Variants in PRRG1 observed in about 807,000 individuals in gnomAD.
PRRG1 encodes proline rich and Gla domain 1.
In PRRG1, 5 loss-of-function variants were observed where a neutral mutation model predicts 11.8. The ratio of observed to expected loss-of-function variants is 0.42; its 90% CI spans 0.22 to 0.89. The LOEUF is 0.89. PRRG1 is among the 40% of genes least tolerant of loss of function. The probability of loss-of-function intolerance (pLI) is 0.28; values close to 1 mark genes in which losing one functional copy is unlikely to be tolerated. For missense variants in PRRG1, 155 were observed against 166.1 expected, an observed-to-expected ratio of 0.93 and a Z score of 0.37; for synonymous variants, 66 against 60.4, an observed-to-expected ratio of 1.09 and a Z score of -0.43.
chrX:37,425,971 A>G lies in PRRG1; in HGVS notation c.142A>G (p.Arg48Gly). Residue 48 changes from arginine (R) to glycine (G), a missense_variant, in exon 3 of 4, where the codon AGA becomes GGA. Coordinates refer to ENST00000378628, the MANE Select transcript of PRRG1 (RefSeq NM_001142395.2). ...AGAATTCTGTACATTTGAAGAAGCA[A>G]GAGAAGCTTTTGAAAATAATGAAAA... is the stretch of plus-strand genomic sequence containing the variant. The part of the protein sequence containing the change: ...KEEFCTFEEA[R>G]EAFENNEKTK... The G allele has an allele frequency of 8.4e-7, 1 of 1,188,420 alleles. No homozygotes were observed. Among genetic ancestry groups the G allele is most frequent in the Non-Finnish European group, 1.1e-6 (1 of 886,122 alleles).
intron 3 of PRRG1, chrX:37,440,807 C>T: frequency 2.0e-6 from 1 of 510,023 alleles, no homozygotes; most frequent in Non-Finnish European, 3.5e-6. Context: ...GTTCTGTTGC[C>T]AAGGCTGGAG....
At chrX:37,441,256 A>G in intron 3 of PRRG1, 1 of 768,502 alleles carries the variant, frequency 1.3e-6, no homozygotes, top group Non-Finnish European at 1.5e-6. Context: ...ATTAGGGGAT[A>G]AGAGAAAGTC....
chrX:37,389,215 A>G (rs1014931298), intron 1 of PRRG1, among the ~76,000 whole-genome samples: 1 of 111,253 alleles, frequency 9.0e-6, no homozygotes, highest in Non-Finnish European at 1.9e-5. Flanking sequence ...GGAAGTTCCA[A>G]ACTTTCCTGC....
Position 37,454,992 on chromosome X carries a change from C to T in PRRG1, c.*1371C>T, listed in dbSNP as rs1357356140. Reference sequence around the variant, plus strand: ...GGGAAATATTTGTACCACTTCCAAACTTTTCAGCGTTGGATAAAATGATTG... The same window carrying T: ...GGGAAATATTTGTACCACTTCCAAATTTTTCAGCGTTGGATAAAATGATTG... On this transcript the variant is annotated 3_prime_UTR_variant, in exon 4 of 4. Coordinates refer to ENST00000378628, the MANE Select transcript of PRRG1 (RefSeq NM_001142395.2). 1.8e-5 allele frequency: 2 copies of T among 111,940 alleles called. No individual in the cohort carries two copies. The highest frequency in any genetic ancestry group is 3.8e-5 in the Non-Finnish European group (2 of 53,208). The allele number at this position is 111,940 out of a possible 1,213,427, so 9.2% of individuals were successfully genotyped here.
intron 1 of PRRG1, among the ~76,000 whole-genome samples, chrX:37,363,039 C>T (rs1459253755): frequency 1.8e-5 from 2 of 111,528 alleles, no homozygotes; most frequent in Admixed American, 9.5e-5. Context: ...AGTAATAATA[C>T]GAATGACAAC....
intron 3 of PRRG1, chrX:37,440,966 A>G: frequency 1.6e-6 from 1 of 641,425 alleles, no homozygotes; most frequent in South Asian, 3.4e-5. Flanking sequence ...ACAAGGTCCC[A>G]CCATGTTGCC....
At chrX:37,417,103 A>T (rs781782900) in intron 2 of PRRG1, among the ~76,000 whole-genome samples, 1 of 111,480 alleles carries the variant, frequency 9.0e-6, no homozygotes, top group South Asian at 3.8e-4. Context: ...CATTTCTGGC[A>T]TATTATCCAC....
chrX:37,375,412 G>A (rs966721490), intron 1 of PRRG1, among the ~76,000 whole-genome samples: 12 of 111,349 alleles, frequency 1.1e-4, no homozygotes, highest in Admixed American at 5.7e-4. Context: ...AGTTTAACAC[G>A]CATGGATTCA....
Position 37,416,239 on chromosome X carries a change from CAT to C in PRRG1, c.11-9600_11-9599del, listed in dbSNP as rs782088359. On this transcript the variant is annotated intron_variant, in intron 2 of 3. Coordinates refer to ENST00000378628, the MANE Select transcript of PRRG1 (RefSeq NM_001142395.2). ...AATGTGGCTGTTTCGTTAAATGTAA[CAT>C]GTGTCCTACTAGGACAGTTATCCAC... Among the ~76,000 whole-genome samples, 125 of 112,077 alleles carry C rather than the reference CAT, an allele frequency of 1.1e-3. 1 individual carries two copies. The highest frequency in any genetic ancestry group is 1.9e-3 in the Non-Finnish European group (99 of 53,221).
At chrX:37,440,941 C>A (rs41305239) in intron 3 of PRRG1, 66,337 of 577,508 alleles carry the variant, frequency 0.11, 8,445 homozygotes, top group African/African-American at 0.69. Context: ...ATTTAAAAAA[C>A]AAAATTATGT....
At chrX:37,441,868 C>A in intron 3 of PRRG1, 1 of 779,175 alleles carries the variant, frequency 1.3e-6, no homozygotes. Flanking sequence ...CCAGAGCCTC[C>A]TGGAGCTACA....
rs1921259835 is a variant in PRRG1 at position 37,453,999 on chromosome X, C to T, written c.*378C>T. The T allele has an allele frequency of 8.5e-6, 1 of 118,119 alleles. No individual in the cohort carries two copies. Among genetic ancestry groups the T allele is most frequent in the African/African-American group, 3.2e-5 (1 of 31,164 alleles). The allele number at this position is 118,119 out of a possible 1,213,427, so 9.7% of individuals were successfully genotyped here. On this transcript the variant is annotated 3_prime_UTR_variant, in exon 4 of 4. Coordinates refer to ENST00000378628, the MANE Select transcript of PRRG1 (RefSeq NM_001142395.2). ...TCACCTGGAAGGAGAGCATTACTCA[C>T]CAAAATTGCAAAACAAGGGTATCAA... is the stretch of plus-strand genomic sequence containing the variant.
At chrX:37,449,376 C>T (rs1921032253) in intron 3 of PRRG1, among the ~76,000 whole-genome samples, 1 of 112,429 alleles carries the variant, frequency 8.9e-6, no homozygotes, top group African/African-American at 3.2e-5. Flanking sequence ...ACATGCCCCA[C>T]TCTACTGTCT....
At position 37,351,648 on chromosome X, in the gene PRRG1, T is replaced by G. The variant is rs190827931; in HGVS notation, c.-42+2253T>G. Among the ~76,000 whole-genome samples, 569 of 112,492 alleles carry G rather than the reference T, an allele frequency of 5.1e-3. 2 individuals are homozygous for G. Among genetic ancestry groups the G allele is most frequent in the Middle Eastern group, 0.014 (3 of 218 alleles). On this transcript the variant is annotated intron_variant, in intron 1 of 3. Coordinates refer to ENST00000378628, the MANE Select transcript of PRRG1 (RefSeq NM_001142395.2). ...TATGGATAAGTACTGTGTGGAAATA[T>G]GTTCTCATGTATTAGTCATAGTTTA...
chrX:37,435,213 C>T (rs1331983713), intron 3 of PRRG1, among the ~76,000 whole-genome samples: 1 of 110,693 alleles, frequency 9.0e-6, no homozygotes, highest in Non-Finnish European at 1.9e-5. Flanking sequence ...CAGGAGGTAA[C>T]CTAAAGAAGC....
intron 1 of PRRG1, among the ~76,000 whole-genome samples, chrX:37,384,158 A>C (rs1556374515): frequency 9.0e-6 from 1 of 111,498 alleles, no homozygotes; most frequent in African/African-American, 3.3e-5. Context: ...ATGCAACCAC[A>C]CTTACAAGTG....
rs945539384 is a variant in PRRG1, at chrX:37,361,779, T to A, written c.-42+12384T>A. Among the ~76,000 whole-genome samples the A allele has an allele frequency of 6.3e-5, 7 of 111,825 alleles. No homozygotes were observed. The Admixed American group carries it at 6.6e-4, about 11-fold the overall frequency. Reference sequence around the variant, plus strand: ...CTCCAATCTGTCCCCAGTGTGCTTGTTCTTTGTGGTTTGGTTTCTAATATT... The same window carrying A: ...CTCCAATCTGTCCCCAGTGTGCTTGATCTTTGTGGTTTGGTTTCTAATATT... On this transcript the variant is annotated intron_variant, in intron 1 of 3. Transcript: ENST00000378628.
chrX:37,415,091 G>A (rs1438263198), intron 2 of PRRG1, among the ~76,000 whole-genome samples: 1 of 112,035 alleles, frequency 8.9e-6, no homozygotes, highest in South Asian at 3.7e-4. Context: ...CATCTAGATC[G>A]TATATGTATA....
At chrX:37,448,253 T>A (rs1424304591) in intron 3 of PRRG1, among the ~76,000 whole-genome samples, 1 of 112,403 alleles carries the variant, frequency 8.9e-6, no homozygotes, top group Non-Finnish European at 1.9e-5. Context: ...TTGCAAAATC[T>A]TCTGGGGTTT....
Sources: allele counts gnomAD v4.1 joint callset (sites outside exome capture counted in the v4.1 genomes callset), GRCh38; gene constraint gnomAD v4.1.1; transcripts MANE v1.5; gene names NCBI Gene and HGNC (gene_info 2026-07-23, HGNC 2026-07-21).